LRRC49: variants seen among roughly 807,000 people sequenced by gnomAD.
LRRC49 encodes the protein leucine-rich repeat-containing protein 49.
LRRC49 carries 50 observed loss-of-function variants against 83.3 expected under a neutral mutation model. The observed-to-expected ratio is 0.60, with a 90% confidence interval of 0.48 to 0.76. The LOEUF is 0.76. LRRC49 is among the 30% of genes least tolerant of loss of function. The pLI, the probability that LRRC49 is intolerant of heterozygous loss-of-function variation, is 0.00. For missense variants in LRRC49, 704 were observed against 809.1 expected, an observed-to-expected ratio of 0.87 and a Z score of 1.58; for synonymous variants, 286 against 283.3, an observed-to-expected ratio of 1.01 and a Z score of -0.10.
exon 2 of LRRC49, chr15:70,873,056 T>C: frequency 1.5e-6 from 1 of 651,736 alleles, no homozygotes; most frequent in South Asian, 1.7e-5. Context: ...AGCTCATTTT[T>C]GTATTTTTAG....
At chr15:70,855,063 G>C (rs1431356631) in intron 1 of LRRC49, among the ~76,000 whole-genome samples, 1 of 152,202 alleles carries the variant, frequency 6.6e-6, no homozygotes, top group African/African-American at 2.4e-5. Context: ...GCCGGGCGCA[G>C]TGGCTCAAGC....
intron 15 of LRRC49, among the ~76,000 whole-genome samples, chr15:71,045,663 AT>A (rs1199158766): frequency 2.0e-5 from 3 of 152,130 alleles, no homozygotes; most frequent in African/African-American, 7.2e-5. Flanking sequence ...TAACATTATG[AT>A]TTAAGCATTT....
intron 15 of LRRC49, among the ~76,000 whole-genome samples, chr15:71,042,924 C>T (rs1057404620): frequency 7.2e-5 from 11 of 152,188 alleles, no homozygotes; most frequent in South Asian, 2.1e-4. Context: ...TAATTCTGAC[C>T]TTGGACACGT....
At chr15:70,974,170 T>C (rs1292765354) in intron 9 of LRRC49, among the ~76,000 whole-genome samples, 1 of 151,994 alleles carries the variant, frequency 6.6e-6, no homozygotes, top group Non-Finnish European at 1.5e-5. Flanking sequence ...GGTTTGTGAG[T>C]ACTTAGGAAT....
chr15:70,963,945 CCAAAGTGTTCACCATGT>C lies in LRRC49; in HGVS notation c.921+14_921+30del, dbSNP rs754613109. The C allele has an allele frequency of 9.9e-6, 16 of 1,609,782 alleles. No homozygotes were observed. The highest frequency in any genetic ancestry group is 1.1e-5 in the Non-Finnish European group (13 of 1,177,626). On this transcript the variant is annotated intron_variant, in intron 9 of 15. Coordinates refer to ENST00000260382, the MANE Select transcript of LRRC49 (RefSeq NM_017691.5). The stretch of plus-strand genomic sequence containing the variant: ...GAAGAGAATCACGGTGAGAACCCTT[CCAAAGTGTTCACCATGT>C]TGTTGTCCTTAGTGTGGATTAGGAA...
chr15:70,967,952 C>CTT (rs58530738), intron 9 of LRRC49, among the ~76,000 whole-genome samples: 6 of 141,978 alleles, frequency 4.2e-5, no homozygotes, highest in African/African-American at 7.6e-5. Context: ...GATGAAGTAA[C>CTT]TTTTTTTTTT....
chr15:71,039,091 T>C (rs2039619639), intron 15 of LRRC49, among the ~76,000 whole-genome samples: 1 of 151,868 alleles, frequency 6.6e-6, no homozygotes, highest in Non-Finnish European at 1.5e-5. Context: ...AAAGATAAAA[T>C]ATAGCTATAT....
At chr15:70,914,206 G>C (rs2034667364) in intron 6 of LRRC49, among the ~76,000 whole-genome samples, 1 of 151,962 alleles carries the variant, frequency 6.6e-6, no homozygotes, top group Admixed American at 6.5e-5. Flanking sequence ...TACAGTCTTA[G>C]TTACCTTAGG....
At chr15:70,899,499 G>C (rs974393939) in intron 3 of LRRC49, among the ~76,000 whole-genome samples, 2 of 151,918 alleles carry the variant, frequency 1.3e-5, no homozygotes, top group Admixed American at 1.3e-4. Context: ...CAGTTTATTG[G>C]TGAATATGAT....
intron 1 of LRRC49, chr15:70,860,015 C>G (rs1442334734): frequency 1.3e-6 from 1 of 749,200 alleles, no homozygotes; most frequent in Non-Finnish European, 2.4e-6. Context: ...AAGCCCCGGC[C>G]TCAGCTACAG....
intron 8 of LRRC49, among the ~76,000 whole-genome samples, chr15:70,943,685 C>G (rs921150288): frequency 6.6e-6 from 1 of 152,216 alleles, no homozygotes; most frequent in African/African-American, 2.4e-5. Flanking sequence ...ACCAGTTAAA[C>G]TCTGACATTT....
intron 3 of LRRC49, 35 bp from the exon 4 acceptor site, chr15:70,900,887 T>C: frequency 7.5e-7 from 1 of 1,328,740 alleles, no homozygotes; most frequent in South Asian, 1.2e-5. Flanking sequence ...CGAAGGTTTT[T>C]CTTAATTAAG....
Position 71,049,707 on chromosome 15 carries a change from C to A in LRRC49, c.*95C>A. On this transcript the variant is annotated 3_prime_UTR_variant, in exon 16 of 16. Transcript: ENST00000260382. ...ATGTTAAAACAACAACAACACTATC[C>A]TATAAACTAGAAAGACTAGTATAAA... The A allele has an allele frequency of 1.3e-6, 1 of 763,928 alleles. No homozygotes were observed. The highest frequency in any genetic ancestry group is 2.1e-6 in the Non-Finnish European group (1 of 465,804). 47.3% of individuals were successfully genotyped at this position (763,928 alleles called of 1,614,324 possible).
chr15:71,021,608 G>C (rs2038997432), intron 14 of LRRC49, among the ~76,000 whole-genome samples: 1 of 152,184 alleles, frequency 6.6e-6, no homozygotes, highest in African/African-American at 2.4e-5. Flanking sequence ...GGTCAGCTAG[G>C]TGGATCTTAT....
intron 6 of LRRC49, among the ~76,000 whole-genome samples, chr15:70,913,640 C>T (rs537390607): frequency 2.0e-4 from 30 of 152,210 alleles, no homozygotes; most frequent in Non-Finnish European, 1.3e-4. Flanking sequence ...AGGTAGGCAA[C>T]GGCCAGATTG....
chr15:71,052,038 C>A lies in LRRC49; in HGVS notation c.*2426C>A, dbSNP rs764295450. 6.6e-6 allele frequency: 1 copy of A among 152,242 alleles called. No individual in the cohort carries two copies. Among genetic ancestry groups the A allele is most frequent in the Non-Finnish European group, 1.5e-5 (1 of 68,070 alleles). 9.4% of individuals were successfully genotyped at this position (152,242 alleles called of 1,614,324 possible). On this transcript the variant is annotated 3_prime_UTR_variant, in exon 16 of 16. Transcript: ENST00000260382. ...CCCATCTAGTTCTACACTCCAAACT[C>A]ATTTTGCGTTCTGAAGTTCCTTGGT... is the stretch of plus-strand genomic sequence containing the variant.
intron 11 of LRRC49, among the ~76,000 whole-genome samples, chr15:71,000,017 G>A (rs1349640951): frequency 6.6e-6 from 1 of 152,160 alleles, no homozygotes; most frequent in Admixed American, 6.5e-5. Flanking sequence ...TTCCTCTGTT[G>A]CCAGCAATCT....
chr15:71,040,107 A>AT (rs1326418773), intron 15 of LRRC49, among the ~76,000 whole-genome samples: 1 of 152,254 alleles, frequency 6.6e-6, no homozygotes, highest in Non-Finnish European at 1.5e-5. Flanking sequence ...GGCAGGGAAG[A>AT]TTCAATATTA....
intron 11 of LRRC49, among the ~76,000 whole-genome samples, chr15:70,985,404 G>GT (rs963508028): frequency 3.3e-5 from 5 of 152,024 alleles, no homozygotes; most frequent in Non-Finnish European, 7.4e-5. Context: ...TTTTTCATGT[G>GT]TTTTTTTGGC....
Sources: gnomAD v4.1 joint callset for allele counts (sites outside exome capture counted in the v4.1 genomes callset) on GRCh38, gnomAD v4.1.1 for gene constraint, MANE v1.5 for transcripts, NCBI Gene and HGNC (gene_info 2026-07-23, HGNC 2026-07-21) for gene names.